Variants in EHD4 observed in about 807,000 individuals in gnomAD.
The protein encoded by EHD4 is EH domain containing 4.
In EHD4, 37 loss-of-function variants were observed where a neutral mutation model predicts 51.0. That is an observed-to-expected ratio of 0.73 (90% CI 0.56 to 0.95). The LOEUF (loss-of-function observed/expected upper bound fraction) is 0.95, where lower values mean the gene tolerates loss of function less well. Among genes scored for constraint, EHD4 ranks in the 40% least tolerant of loss-of-function variants. The pLI, the probability that EHD4 is intolerant of heterozygous loss-of-function variation, is 0.00. For synonymous variants in EHD4, 297 were observed against 317.3 expected, an observed-to-expected ratio of 0.94 and a Z score of 0.68; for missense variants, 632 against 733.1, an observed-to-expected ratio of 0.86 and a Z score of 1.59.
At chr15:41,934,176 C>G (rs2067717180) in intron 3 of EHD4, among the ~76,000 whole-genome samples, 1 of 152,028 alleles carries the variant, frequency 6.6e-6, no homozygotes, top group Admixed American at 6.6e-5. Context: ...TTGGGGATGG[C>G]AGGGTATGTA....
chr15:41,898,192 A>G lies in EHD4; in HGVS notation c.*2453T>C, dbSNP rs900383631. 4 of 152,136 alleles carry G rather than the reference A, an allele frequency of 2.6e-5. No homozygotes were observed. The highest frequency in any genetic ancestry group is 2.0e-4 in the Admixed American group (3 of 15,276). The allele number at this position is 152,136 out of a possible 1,614,324, so 9.4% of individuals were successfully genotyped here. A position where few individuals can be genotyped will look rare whatever the true frequency, so the allele number is the denominator to read the frequency against. On this transcript the variant is annotated 3_prime_UTR_variant, in exon 6 of 6. Transcript: ENST00000220325. ...AACATTACCAGGTGCCAGCAGGGAA[A>G]GGACTCCGCTGCCTGACGCCTCTCC...
chr15:41,902,723 T>A (rs1335500145), intron 5 of EHD4, among the ~76,000 whole-genome samples: 1 of 151,276 alleles, frequency 6.6e-6, no homozygotes, highest in Non-Finnish European at 1.5e-5. Flanking sequence ...AGCCTGGTCA[T>A]TAGACCCATA....
At chr15:41,966,359 T>C (rs1252323590) in intron 1 of EHD4, among the ~76,000 whole-genome samples, 2 of 152,168 alleles carry the variant, frequency 1.3e-5, no homozygotes, top group Non-Finnish European at 2.9e-5. Context: ...CCTCTCTCCC[T>C]GGCTTTTGTG....
chr15:41,903,214 C>A (rs997528003), intron 5 of EHD4, among the ~76,000 whole-genome samples: 21 of 148,002 alleles, frequency 1.4e-4, no homozygotes, highest in African/African-American at 4.3e-4. Flanking sequence ...GGAGATGAGG[C>A]AGGGAGATTT....
chr15:41,919,281 T>C lies in EHD4; in HGVS notation c.853A>G (p.Ile285Val). 6.2e-7 allele frequency: 1 copy of C among 1,614,162 alleles called. No individual in the cohort carries two copies. Among genetic ancestry groups the C allele is most frequent in the South Asian group, 1.1e-5 (1 of 91,082 alleles). Residue 285 changes from isoleucine to valine, a missense_variant, in exon 4 of 6, where the codon ATC becomes GTC. Transcript: ENST00000220325. ...EAEAQDLFRD[I>V]QSLPQKAAVR... ...GCTGCCTTCTGGGGGAGGCTCTGGA[T>C]GTCTCTAAAGAGGTCCTGGGCCTCA...
intron 3 of EHD4, among the ~76,000 whole-genome samples, chr15:41,926,559 C>A (rs894924851): frequency 2.0e-5 from 3 of 152,198 alleles, no homozygotes; most frequent in African/African-American, 7.2e-5. Context: ...ACCAAGAGTT[C>A]CTTCTTGTCC....
intron 3 of EHD4, among the ~76,000 whole-genome samples, chr15:41,931,381 T>C (rs1207310144): frequency 6.6e-6 from 1 of 151,938 alleles, no homozygotes; most frequent in Non-Finnish European, 1.5e-5. Context: ...GGCATGGTGG[T>C]GCATGCCTAC....
chr15:41,940,391 T>G (rs2067761686), intron 3 of EHD4, among the ~76,000 whole-genome samples: 1 of 152,216 alleles, frequency 6.6e-6, no homozygotes. Flanking sequence ...TAGGTGTGAG[T>G]ATACGTGAGA....
At chr15:41,955,667 T>A (rs965886410) in intron 1 of EHD4, among the ~76,000 whole-genome samples, 2 of 152,200 alleles carry the variant, frequency 1.3e-5, no homozygotes, top group Non-Finnish European at 2.9e-5. Flanking sequence ...TCTGTATCCC[T>A]AATAGCCTAG....
At chr15:41,918,242 A>ACACACACACACACACG (rs1347109024) in intron 4 of EHD4, among the ~76,000 whole-genome samples, 36 of 130,474 alleles carry the variant, frequency 2.8e-4, no homozygotes, top group African/African-American at 9.8e-4. Flanking sequence ...ACACACACAC[A>ACACACACACACACACG]CGCGCATGTT....
intron 2 of EHD4, among the ~76,000 whole-genome samples, chr15:41,950,083 T>C (rs1408213785): frequency 6.6e-6 from 1 of 152,258 alleles, no homozygotes; most frequent in Non-Finnish European, 1.5e-5. Flanking sequence ...GCCATTTCCA[T>C]AGACCTCTGT....
chr15:41,967,831 C>T (rs1373460200), intron 1 of EHD4, among the ~76,000 whole-genome samples: 3 of 152,208 alleles, frequency 2.0e-5, no homozygotes, highest in African/African-American at 7.2e-5. Flanking sequence ...ATATTCTTCA[C>T]AATTTCTTAA....
chr15:41,927,347 C>T (rs940450508), intron 3 of EHD4, among the ~76,000 whole-genome samples: 1 of 152,230 alleles, frequency 6.6e-6, no homozygotes, highest in Admixed American at 6.5e-5. Context: ...GATATCTGCA[C>T]ACCCATGTTC....
At position 41,960,387 on chromosome 15, in the gene EHD4, T is replaced by C. The variant is rs78035380; in HGVS notation, c.237-6447A>G. ...GTAAATGTAATTTTCCTTTATAAAATTGAGATAAAAGTTAAACAATTTTGC... is the reference window on the plus strand; with the variant it reads ...GTAAATGTAATTTTCCTTTATAAAACTGAGATAAAAGTTAAACAATTTTGC... On this transcript the variant is annotated intron_variant, in intron 1 of 5. Coordinates refer to ENST00000220325, the MANE Select transcript of EHD4 (RefSeq NM_139265.4). 8.2e-3 allele frequency among the ~76,000 whole-genome samples: 1,252 copies of C among 152,320 alleles called. 14 individuals are homozygous for C. The highest frequency in any genetic ancestry group is 0.028 in the African/African-American group (1,174 of 41,564).
chr15:41,971,426 A>C (rs1339477271), intron 1 of EHD4, among the ~76,000 whole-genome samples: 1 of 152,254 alleles, frequency 6.6e-6, no homozygotes, highest in African/African-American at 2.4e-5. Flanking sequence ...AAAACAGGTG[A>C]TCAACAAAGC....
chr15:41,933,914 C>T (rs1017902223), intron 3 of EHD4, among the ~76,000 whole-genome samples: 12 of 152,154 alleles, frequency 7.9e-5, no homozygotes, highest in Non-Finnish European at 1.2e-4. Context: ...CCCTGTCAGA[C>T]GCCCATGAGG....
At chr15:41,935,278 G>A (rs1028597161) in intron 3 of EHD4, among the ~76,000 whole-genome samples, 11 of 152,216 alleles carry the variant, frequency 7.2e-5, no homozygotes, top group African/African-American at 2.7e-4. Flanking sequence ...TTGTGTTTTG[G>A]CTCCTCTATC....
At chr15:41,944,715 C>G (rs2067799782) in intron 2 of EHD4, among the ~76,000 whole-genome samples, 1 of 152,210 alleles carries the variant, frequency 6.6e-6, no homozygotes, top group Admixed American at 6.5e-5. Context: ...TTATGACATT[C>G]TGAGGCCATG....
In EHD4 at chr15:41,896,532, G is replaced by A. The variant is rs925513151; in HGVS notation, c.*4113C>T. ...CTCATCCAAACCTCACTTGAAGTGA[G>A]GGTGGGAGGAGGAGTGCTCTGCAAG... On this transcript the variant is annotated 3_prime_UTR_variant, in exon 6 of 6. Coordinates refer to ENST00000220325, the MANE Select transcript of EHD4 (RefSeq NM_139265.4). 1 of 152,112 alleles carries A rather than the reference G, an allele frequency of 6.6e-6. No homozygotes were observed. The highest frequency in any genetic ancestry group is 2.1e-4 in the South Asian group (1 of 4,816). 9.4% of individuals were successfully genotyped at this position (152,112 alleles called of 1,614,324 possible). A position where few individuals can be genotyped will look rare whatever the true frequency, so the allele number is the denominator to read the frequency against.
Sources: allele counts gnomAD v4.1 joint callset (sites outside exome capture counted in the v4.1 genomes callset), GRCh38; gene constraint gnomAD v4.1.1; transcripts MANE v1.5; gene names NCBI Gene and HGNC (gene_info 2026-07-23, HGNC 2026-07-21).